Variants in CHID1 observed in about 807,000 individuals in gnomAD.
CHID1 encodes the protein chitinase domain containing 1, also known as chitinase domain-containing protein 1.
CHID1 carries 44 observed loss-of-function variants against 55.4 expected under a neutral mutation model. That is an observed-to-expected ratio of 0.79 (90% CI 0.62 to 1.02). The LOEUF (loss-of-function observed/expected upper bound fraction) is 1.02, where lower values mean the gene tolerates loss of function less well. CHID1 is among the 50% of genes least tolerant of loss of function. The pLI is 0.00. For missense variants in CHID1, 491 were observed against 515.3 expected, an observed-to-expected ratio of 0.95 and a Z score of 0.46; for synonymous variants, 216 against 212.9, an observed-to-expected ratio of 1.01 and a Z score of -0.13.
chr11:903,853 G>A (rs1001544531), intron 2 of CHID1: 4 of 174,798 alleles, frequency 2.3e-5, no homozygotes, highest in East Asian at 1.9e-4. Context: ...CACCGCCCCC[G>A]CCAACGTGAC....
intron 8 of CHID1, among the ~76,000 whole-genome samples, chr11:891,234 G>A (rs527459177): frequency 3.7e-4 from 57 of 152,214 alleles, no homozygotes; most frequent in African/African-American, 1.2e-3. Flanking sequence ...CCAGTGGAGC[G>A]GGCGCACAAC....
chr11:909,588 A>G (rs951799833), intron 1 of CHID1, among the ~76,000 whole-genome samples: 2 of 152,224 alleles, frequency 1.3e-5, no homozygotes. Context: ...AGCCCAGCAC[A>G]CGTGTATGTC....
At chr11:904,568 G>A in intron 2 of CHID1, 138 bp downstream of exon 2, 1 of 929,810 alleles carries the variant, frequency 1.1e-6, no homozygotes, top group South Asian at 1.6e-5. Flanking sequence ...CCCACCGGCT[G>A]CGGGCTCATC....
intron 10 of CHID1, among the ~76,000 whole-genome samples, chr11:876,105 GGA>G (rs938324232): frequency 1.3e-5 from 2 of 152,192 alleles, no homozygotes; most frequent in African/African-American, 4.8e-5. Flanking sequence ...CAGAGGGTGA[GGA>G]GAGGCGTCTG....
intron 8 of CHID1, among the ~76,000 whole-genome samples, chr11:893,001 T>C (rs973919221): frequency 6.6e-6 from 1 of 152,240 alleles, no homozygotes; most frequent in African/African-American, 2.4e-5. Flanking sequence ...CAGTCACCTC[T>C]CTGCCTCTGG....
intron 5 of CHID1, among the ~76,000 whole-genome samples, chr11:900,627 G>GC (rs111492108): frequency 4.6e-5 from 7 of 152,232 alleles, no homozygotes; most frequent in African/African-American, 1.7e-4. Flanking sequence ...GGCCCCAGCT[G>GC]CCCTGATAGG....
In CHID1 at chr11:902,222, T is replaced by A; in HGVS notation, c.370A>T (p.Thr124Ser). 1 of 1,613,860 alleles carries A rather than the reference T, an allele frequency of 6.2e-7. No homozygotes were observed. The highest frequency in any genetic ancestry group is 8.5e-7 in the Non-Finnish European group (1 of 1,179,964). The change falls in exon 4 of 13, where the codon ACG becomes TCG. Residue 124 changes from threonine (T) to serine (S), a missense_variant. Physicochemically the swap from Thr to Ser is moderately conservative, Grantham distance 58. Transcript: ENST00000323578. ...CCTTGGTCCACGTCGTGGAGGCCCG[T>A]GACCTCAAACATCTCACGGCCACGT... Reference protein sequence around the residue: ...KRRGREMFEVTGLHDVDQGWM... With the variant: ...KRRGREMFEVSGLHDVDQGWM...
At chr11:911,586 C>T (rs1223206134), upstream of CHID1, 1 of 152,262 alleles carries the variant, frequency 6.6e-6, no homozygotes, top group African/African-American at 2.4e-5. Context: ...CGCGCGTGGG[C>T]TCCAAGACAC....
intron 8 of CHID1, among the ~76,000 whole-genome samples, chr11:888,774 C>T (rs890735598): frequency 2.6e-5 from 4 of 151,836 alleles, no homozygotes; most frequent in African/African-American, 9.7e-5. Context: ...GGACCCCGGG[C>T]CCACACCAAC....
intron 10 of CHID1, among the ~76,000 whole-genome samples, chr11:872,980 C>T (rs1386840236): frequency 2.6e-5 from 4 of 152,256 alleles, no homozygotes; most frequent in South Asian, 2.1e-4. Flanking sequence ...GGTGGTTTGG[C>T]GAGTGGGTGG....
intron 6 of CHID1, 76 bp downstream of exon 6, chr11:899,928 G>A (rs117257432): frequency 3.1e-5 from 33 of 1,051,570 alleles, no homozygotes; most frequent in Non-Finnish European, 4.2e-5. Flanking sequence ...TGGAGGCCTC[G>A]CGGGAGGCCC....
chr11:893,898 G>A (rs903714162), intron 7 of CHID1, among the ~76,000 whole-genome samples: 18 of 151,820 alleles, frequency 1.2e-4, no homozygotes, highest in Non-Finnish European at 2.1e-4. Context: ...TTGGGAGGCC[G>A]AGGTGGGCAG....
At chr11:902,896 C>T in intron 3 of CHID1, 66 bp downstream of exon 3, 1 of 1,506,290 alleles carries the variant, frequency 6.6e-7, no homozygotes, top group Non-Finnish European at 9.1e-7. Context: ...AAGAGGCCAT[C>T]ACGGGGCCAG....
intron 1 of CHID1, among the ~76,000 whole-genome samples, chr11:905,739 C>T (rs949168295): frequency 6.6e-6 from 1 of 151,838 alleles, no homozygotes; most frequent in Admixed American, 6.6e-5. Context: ...GGTGATGCCA[C>T]GTTAAGTACT....
At chr11:883,922 G>A (rs1392009822) in intron 9 of CHID1, 146 bp downstream of exon 9, 1 of 665,658 alleles carries the variant, frequency 1.5e-6, no homozygotes, top group Non-Finnish European at 2.6e-6. Flanking sequence ...GCTTCCCTCA[G>A]GTGGGTGTCC....
In CHID1 at chr11:902,211, G is replaced by A. The variant is rs199772507; in HGVS notation, c.381C>T (p.His127=). The A allele has an allele frequency of 1.2e-5, 19 of 1,613,932 alleles. No individual in the cohort carries two copies. Among genetic ancestry groups the A allele is most frequent in the East Asian group, 8.9e-5 (4 of 44,874 alleles). ...GREMFEVTGL[H]DVDQGWMRAV... ...AAGGATGAGAACCTTGGTCCACGTC[G>A]TGGAGGCCCGTGACCTCAAACATCT... The change falls in exon 4 of 13, where the codon CAC becomes CAT. Residue 127 remains histidine (H), a synonymous_variant. Transcript: ENST00000323578.
rs141883851 is a variant in CHID1, at chr11:878,634, G to A, written c.959+4514C>T. Among the ~76,000 whole-genome samples the A allele has an allele frequency of 3.5e-3, 524 of 151,816 alleles. 6 individuals carry two copies. The highest frequency in any genetic ancestry group is 0.012 in the African/African-American group (502 of 41,412). ...TATTCTGTTATAAGCAACAGAAAAC[G>A]AACTAACACAAGTCTTAATCCCCAG... On this transcript the variant is annotated intron_variant, in intron 10 of 12. Coordinates refer to ENST00000323578, the MANE Select transcript of CHID1 (RefSeq NM_023947.4).
chr11:896,049 G>A lies in CHID1; in HGVS notation c.609-2530C>T, dbSNP rs1030257854. Among the ~76,000 whole-genome samples the A allele has an allele frequency of 4.6e-5, 7 of 151,682 alleles. No homozygotes were observed. The East Asian group carries it at 5.8e-4, about 13-fold the overall frequency. ...CCCACCCTGACGTTAATGACCCGTC[G>A]AGCCCTGACACAACGAGGCCGTCTC... On this transcript the variant is annotated intron_variant, in intron 7 of 12. Coordinates refer to ENST00000323578, the MANE Select transcript of CHID1 (RefSeq NM_023947.4).
chr11:882,442 A>G (rs1850033336), intron 10 of CHID1: 1 of 152,280 alleles, frequency 6.6e-6, no homozygotes, highest in South Asian at 2.1e-4. Flanking sequence ...CAGAAAAAAT[A>G]TTTGAAGAAT....
Sources: allele counts gnomAD v4.1 joint callset (sites outside exome capture counted in the v4.1 genomes callset), GRCh38; gene constraint gnomAD v4.1.1; transcripts MANE v1.5; gene names NCBI Gene and HGNC (gene_info 2026-07-23, HGNC 2026-07-21).